The following LRP1B variants were observed in gnomAD, a reference collection of about 807,000 sequenced individuals.
The protein encoded by LRP1B is LDL receptor related protein 1B.
Under a neutral mutation model 556.6 loss-of-function variants are expected in LRP1B, and 217 were observed. The ratio of observed to expected loss-of-function variants is 0.39; its 90% confidence interval spans 0.35 to 0.44. The LOEUF (loss-of-function observed/expected upper bound fraction) is 0.44. LRP1B is among the 20% of genes least tolerant of loss of function. The pLI is 1.00. For synonymous variants in LRP1B, 2,047 were observed against 1,865.8 expected (o/e 1.10, Z -2.50); for missense variants, 5,053 against 5,620.8 (o/e 0.90, Z 3.23).
At chr2:141,120,212 A>G (rs1574093335) in intron 7 of LRP1B, among the ~76,000 whole-genome samples, 1 of 151,892 alleles carries the variant, frequency 6.6e-6, no homozygotes, top group African/African-American at 2.4e-5. Flanking sequence ...TTTATATGAA[A>G]TACTTGCTCT....
At chr2:140,518,479 T>C (rs1364678990) in intron 49 of LRP1B, among the ~76,000 whole-genome samples, 1 of 152,072 alleles carries the variant, frequency 6.6e-6, no homozygotes, top group Non-Finnish European at 1.5e-5. Context: ...AAAAGAAAAA[T>C]AAAATTTTAG....
At chr2:141,206,314 G>A (rs533256031) in intron 6 of LRP1B, among the ~76,000 whole-genome samples, 1 of 152,252 alleles carries the variant, frequency 6.6e-6, no homozygotes, top group African/African-American at 2.4e-5. Flanking sequence ...GGGCGCGGTG[G>A]CTCACGCCTG....
intron 32 of LRP1B, among the ~76,000 whole-genome samples, chr2:140,807,405 A>G (rs1690756898): frequency 6.6e-6 from 1 of 152,012 alleles, no homozygotes; most frequent in Non-Finnish European, 1.5e-5. Flanking sequence ...CAGTGGCACA[A>G]TCTTGGCTCA....
intron 23 of LRP1B, among the ~76,000 whole-genome samples, chr2:140,902,432 A>G (rs1694131190): frequency 6.6e-6 from 1 of 152,198 alleles, no homozygotes; most frequent in African/African-American, 2.4e-5. Flanking sequence ...TTACACAATT[A>G]GAGTTGAAAT....
intron 49 of LRP1B, among the ~76,000 whole-genome samples, chr2:140,525,071 C>T (rs1181773457): frequency 6.6e-6 from 1 of 151,766 alleles, no homozygotes; most frequent in African/African-American, 2.4e-5. Flanking sequence ...GTGTAAAATA[C>T]TTATGAATAT....
chr2:140,615,463 A>T (rs1025321878), intron 41 of LRP1B, among the ~76,000 whole-genome samples: 10 of 152,106 alleles, frequency 6.6e-5, no homozygotes, highest in African/African-American at 2.4e-4. Flanking sequence ...TCTCTACTGC[A>T]ATACCGCTAT....
At chr2:141,333,112 A>AT (rs202058004) in intron 3 of LRP1B, among the ~76,000 whole-genome samples, 3,201 of 152,212 alleles carry the variant, frequency 0.021, 57 homozygotes, top group Non-Finnish European at 0.034. Context: ...ATGAAGACTA[A>AT]TTTTTTACAG....
At chr2:142,127,402 C>CCATT (rs1315293415) in intron 1 of LRP1B, among the ~76,000 whole-genome samples, 17 of 151,544 alleles carry the variant, frequency 1.1e-4, no homozygotes, top group Non-Finnish European at 1.9e-4. Context: ...ATCCATCCAT[C>CCATT]CATTCATCTT....
At chr2:141,490,576 A>G (rs1225850678) in intron 2 of LRP1B, among the ~76,000 whole-genome samples, 1 of 152,116 alleles carries the variant, frequency 6.6e-6, no homozygotes, top group Admixed American at 6.6e-5. Flanking sequence ...GCCAAAAATT[A>G]TTGTCATTAG....
chr2:140,748,301 C>CATATATTATATTCATATCTAAT (rs1688402559), intron 35 of LRP1B, among the ~76,000 whole-genome samples: 1 of 110,924 alleles, frequency 9.0e-6, no homozygotes, highest in East Asian at 2.5e-4. Flanking sequence ...TATATATATT[C>CATATATTATATTCATATCTAAT]ATATATTATA....
chr2:140,721,670 C>T (rs1374845083), intron 35 of LRP1B, among the ~76,000 whole-genome samples: 1 of 148,718 alleles, frequency 6.7e-6, no homozygotes, highest in Non-Finnish European at 1.5e-5. Context: ...GCCTCAGCCT[C>T]CTGAGTAGCT....
At chr2:141,324,272 T>TA (rs1244502864) in intron 3 of LRP1B, among the ~76,000 whole-genome samples, 2 of 151,956 alleles carry the variant, frequency 1.3e-5, no homozygotes, top group African/African-American at 2.4e-5. Context: ...AAAGAAACTC[T>TA]AAAAAATAAA....
chr2:140,738,624 C>T (rs1688029743), intron 35 of LRP1B, among the ~76,000 whole-genome samples: 2 of 152,082 alleles, frequency 1.3e-5, no homozygotes, highest in Non-Finnish European at 2.9e-5. Context: ...GGACTCCCTA[C>T]CAGTCTTGAG....
chr2:140,657,586 C>CATAT (rs55724105), intron 41 of LRP1B, among the ~76,000 whole-genome samples: 1 of 145,236 alleles, frequency 6.9e-6, no homozygotes, highest in Non-Finnish European at 1.5e-5. Flanking sequence ...CATATATATA[C>CATAT]ATACATACAT....
chr2:141,313,866 C>CT (rs5834819), intron 3 of LRP1B, among the ~76,000 whole-genome samples: 17,955 of 145,920 alleles, frequency 0.12, 1,409 homozygotes, highest in African/African-American at 0.22. Context: ...AGATTTCACT[C>CT]TTTTTTTTTT....
chr2:141,396,826 T>C (rs141230207), intron 3 of LRP1B, among the ~76,000 whole-genome samples: 2 of 151,862 alleles, frequency 1.3e-5, no homozygotes, highest in African/African-American at 4.8e-5. Flanking sequence ...GACATACAAA[T>C]AAAAGAGGAT....
chr2:142,028,551 T>C (rs1216848886), intron 1 of LRP1B, among the ~76,000 whole-genome samples: 1 of 152,038 alleles, frequency 6.6e-6, no homozygotes, highest in Non-Finnish European at 1.5e-5. Flanking sequence ...GGATGTACCA[T>C]AGTTCATTTA....
At chr2:140,678,371 T>C (rs1685744231) in intron 41 of LRP1B, among the ~76,000 whole-genome samples, 1 of 152,186 alleles carries the variant, frequency 6.6e-6, no homozygotes, top group African/African-American at 2.4e-5. Flanking sequence ...TTTTAGGAGA[T>C]ATTTGTTAGA....
At chr2:141,384,884 C>A (rs1330703271) in intron 3 of LRP1B, among the ~76,000 whole-genome samples, 12 of 152,202 alleles carry the variant, frequency 7.9e-5, no homozygotes, top group Non-Finnish European at 1.6e-4. Context: ...TTCCTCATCC[C>A]TTCCTACCTC....
Sources: gnomAD v4.1 joint callset for allele counts (sites outside exome capture counted in the v4.1 genomes callset) on GRCh38, gnomAD v4.1.1 for gene constraint, MANE v1.5 for transcripts, NCBI Gene and HGNC (gene_info 2026-07-23, HGNC 2026-07-21) for gene names.